The following ANKS1A variants were observed in gnomAD, a reference collection of about 807,000 sequenced individuals.
The protein encoded by ANKS1A is ankyrin repeat and SAM domain-containing protein 1A.
A neutral mutation model predicts 120.3 loss-of-function variants in ANKS1A; 55 were observed. The ratio of observed to expected loss-of-function variants is 0.46; its 90% CI spans 0.37 to 0.57. The LOEUF (loss-of-function observed/expected upper bound fraction) is 0.57. ANKS1A is among the 20% of genes least tolerant of loss of function. ANKS1A has a pLI of 0.00. For synonymous variants in ANKS1A, 590 were observed against 604.7 expected, an observed-to-expected ratio of 0.98 and a Z score of 0.36; for missense variants, 1,123 against 1,480.3, an observed-to-expected ratio of 0.76 and a Z score of 3.96.
At position 34,954,534 on chromosome 6, in the gene ANKS1A, G is replaced by A. The variant is rs147675124; in HGVS notation, c.198-12705G>A. On this transcript the variant is annotated intron_variant, in intron 1 of 23. Coordinates refer to ENST00000360359, the MANE Select transcript of ANKS1A (RefSeq NM_015245.3). Reference sequence around the variant, plus strand: ...CTTGCTGGCTTTGTGGAACAAGGAGGCCATCCTTCCAAGTTTCTCGTGTGA... The same window carrying A: ...CTTGCTGGCTTTGTGGAACAAGGAGACCATCCTTCCAAGTTTCTCGTGTGA... 3.8e-3 allele frequency among the ~76,000 whole-genome samples: 581 copies of A among 152,306 alleles called. 1 individual carries two copies. The highest frequency in any genetic ancestry group is 0.018 in the South Asian group (87 of 4,820).
chr6:35,095,401 C>CA (rs1164136985), downstream of ANKS1A, among the ~76,000 whole-genome samples: 1 of 151,290 alleles, frequency 6.6e-6, no homozygotes, highest in Non-Finnish European at 1.5e-5. Flanking sequence ...GATAAAAGCC[C>CA]AAAAAATGAG....
chr6:34,972,788 T>A (rs1771249929), intron 3 of ANKS1A: 1 of 254,938 alleles, frequency 3.9e-6, no homozygotes, highest in Non-Finnish European at 6.2e-6. Flanking sequence ...GCTTTTGGCT[T>A]GTCTGGGAAT....
At chr6:34,974,524 A>G (rs1771458073) in intron 3 of ANKS1A, among the ~76,000 whole-genome samples, 1 of 151,476 alleles carries the variant, frequency 6.6e-6, no homozygotes, top group African/African-American at 2.4e-5. Flanking sequence ...TCTAGTCTTC[A>G]GAATAGGAAG....
In ANKS1A at chr6:35,078,665, C is replaced by T. The variant is rs746190985; in HGVS notation, c.2283+9C>T. On this transcript the variant is annotated intron_variant, in intron 14 of 23. Transcript: ENST00000360359. ...CACGCTCCCTACCCAAGGTGACCAT[C>T]GCCGGCCCTGTAGCCTCAGCCCGTG... 1.3e-5 allele frequency: 21 copies of T among 1,600,292 alleles called. No homozygotes were observed. Among genetic ancestry groups the T allele is most frequent in the East Asian group, 2.2e-5 (1 of 44,884 alleles).
chr6:34,908,765 A>G (rs1039868627), intron 1 of ANKS1A, among the ~76,000 whole-genome samples: 2 of 152,194 alleles, frequency 1.3e-5, no homozygotes, highest in African/African-American at 2.4e-5. Context: ...CTGACCCTTT[A>G]CAATAACAAC....
intron 1 of ANKS1A, among the ~76,000 whole-genome samples, chr6:34,915,007 G>A (rs2127460366): frequency 6.6e-6 from 1 of 152,228 alleles, no homozygotes; most frequent in South Asian, 2.1e-4. Flanking sequence ...ATTATTTAAT[G>A]TATCTGATTT....
At chr6:35,042,536 G>T (rs574241589) in intron 11 of ANKS1A, among the ~76,000 whole-genome samples, 1 of 152,212 alleles carries the variant, frequency 6.6e-6, no homozygotes, top group Non-Finnish European at 1.5e-5. Context: ...CTGAAGAGGC[G>T]TGTCCATGTG....
At chr6:35,067,738 C>T (rs183431808) in intron 13 of ANKS1A, among the ~76,000 whole-genome samples, 1 of 152,136 alleles carries the variant, frequency 6.6e-6, no homozygotes, top group Non-Finnish European at 1.5e-5. Context: ...CAGAAAAATA[C>T]ACCAAAATGG....
intron 11 of ANKS1A, among the ~76,000 whole-genome samples, chr6:35,026,352 A>G (rs1478985089): frequency 6.6e-6 from 1 of 152,242 alleles, no homozygotes; most frequent in Non-Finnish European, 1.5e-5. Flanking sequence ...ACGTTCAGCT[A>G]ATTTGTTGAG....
chr6:34,917,899 C>G (rs1166097048), intron 1 of ANKS1A, among the ~76,000 whole-genome samples: 1 of 152,192 alleles, frequency 6.6e-6, no homozygotes, highest in Non-Finnish European at 1.5e-5. Flanking sequence ...GAGGAGGAGA[C>G]TGTCTCTTGT....
chr6:35,023,082 G>A (rs1482949237), intron 11 of ANKS1A, among the ~76,000 whole-genome samples: 1 of 152,146 alleles, frequency 6.6e-6, no homozygotes, highest in African/African-American at 2.4e-5. Context: ...GGGGTTGTTG[G>A]ATTGGTTTTG....
chr6:34,924,842 A>G (rs1233093828), intron 1 of ANKS1A, among the ~76,000 whole-genome samples: 1 of 151,764 alleles, frequency 6.6e-6, no homozygotes, highest in Non-Finnish European at 1.5e-5. Flanking sequence ...GCAACCTCAG[A>G]CTCCCCGGGC....
At chr6:34,894,984 T>C (rs538823293) in intron 1 of ANKS1A, among the ~76,000 whole-genome samples, 16 of 152,082 alleles carry the variant, frequency 1.1e-4, no homozygotes, top group African/African-American at 9.7e-5. Flanking sequence ...TGCCATTTCA[T>C]TGGGGGAATA....
At chr6:35,018,194 T>G in intron 11 of ANKS1A, 135 bp downstream of exon 11, 1 of 849,204 alleles carries the variant, frequency 1.2e-6, no homozygotes, top group African/African-American at 1.7e-5. Context: ...GTAACTAATG[T>G]ATTTCTGACA....
rs192714984 is a variant in ANKS1A, at chr6:35,073,221, G to A, written c.2185-5337G>A. On this transcript the variant is annotated intron_variant, in intron 13 of 23. Coordinates refer to ENST00000360359, the MANE Select transcript of ANKS1A (RefSeq NM_015245.3). ...TCACACGTCACCTCCCACAAAGCCCGGCAGAGGGTGCCCAGGGAACTCTTG... is the reference window on the plus strand; with the variant it reads ...TCACACGTCACCTCCCACAAAGCCCAGCAGAGGGTGCCCAGGGAACTCTTG... 4.6e-4 allele frequency among the ~76,000 whole-genome samples: 70 copies of A among 152,268 alleles called. 1 individual carries two copies. The highest frequency in any genetic ancestry group is 3.5e-3 in the Admixed American group (53 of 15,296).
chr6:34,971,819 A>G (rs1234105797), intron 3 of ANKS1A, among the ~76,000 whole-genome samples: 1 of 152,192 alleles, frequency 6.6e-6, no homozygotes, highest in African/African-American at 2.4e-5. Flanking sequence ...GATTGTGTGT[A>G]TATAGCTGTT....
Position 34,985,261 on chromosome 6 carries a change from C to A in ANKS1A, c.1192C>A (p.Pro398Thr), listed in dbSNP as rs147657305. Residue 398 changes from proline (P) to threonine (T), a missense_variant, in exon 8 of 24, where the codon CCT (proline) becomes ACT (threonine). By Grantham distance (38) the Pro-to-Thr change is conservative. This residue lies in a region of ANKS1A where 904 missense variants were observed against 1,130.4 expected (regional missense o/e 0.80). Coordinates refer to ENST00000360359, the MANE Select transcript of ANKS1A (RefSeq NM_015245.3). ...NKEAEAAGVK[P>T]AGVRPRERPP... ...GGAGGCTGAGGCAGCAGGAGTGAAACCTGCTGGAGTGAGGCCTGTATGTGA... is the reference window on the plus strand; with the variant it reads ...GGAGGCTGAGGCAGCAGGAGTGAAAACTGCTGGAGTGAGGCCTGTATGTGA... 1.9e-5 allele frequency: 31 copies of A among 1,613,706 alleles called. No homozygotes were observed. Among genetic ancestry groups the A allele is most frequent in the Non-Finnish European group, 2.5e-5 (30 of 1,179,942 alleles).
intron 2 of ANKS1A, among the ~76,000 whole-genome samples, chr6:34,968,935 G>A (rs770070299): frequency 4.9e-4 from 75 of 152,270 alleles, no homozygotes; most frequent in Middle Eastern, 3.4e-3. Context: ...TACTGAATAT[G>A]ATCATTAAGT....
At chr6:35,012,021 GT>G in intron 10 of ANKS1A, among the ~76,000 whole-genome samples, 1 of 152,266 alleles carries the variant, frequency 6.6e-6, no homozygotes, top group African/African-American at 2.4e-5. Context: ...TCCAAAGCCT[GT>G]ACTTTTAACC....
Sources: gnomAD v4.1 joint callset for allele counts (sites outside exome capture counted in the v4.1 genomes callset) on GRCh38, gnomAD v4.1.1 for gene constraint, gnomAD v4.1.1 regional missense constraint, MANE v1.5 for transcripts, NCBI Gene and HGNC (gene_info 2026-07-23, HGNC 2026-07-21) for gene names.